CHST11: variants seen among roughly 807,000 people sequenced by gnomAD.
CHST11 encodes the protein carbohydrate sulfotransferase 11.
CHST11 carries 9 observed loss-of-function variants against 30.4 expected under a neutral mutation model. The observed-to-expected ratio is 0.30, with a 90% CI of 0.18 to 0.52. The LOEUF (loss-of-function observed/expected upper bound fraction) is 0.52. CHST11 is among the 20% of genes least tolerant of loss of function. CHST11 has a pLI of 0.97. For synonymous variants in CHST11, 152 were observed against 187.8 expected, an observed-to-expected ratio of 0.81 and a Z score of 1.56; for missense variants, 348 against 460.6, an observed-to-expected ratio of 0.76 and a Z score of 2.24.
At chr12:104,613,333 T>C (rs1341979640) in intron 2 of CHST11, among the ~76,000 whole-genome samples, 4 of 152,176 alleles carry the variant, frequency 2.6e-5, no homozygotes, top group African/African-American at 9.7e-5. Flanking sequence ...TTATTTAGCC[T>C]TAAAAAAGAG....
intron 1 of CHST11, among the ~76,000 whole-genome samples, chr12:104,593,352 C>G (rs1228419759): frequency 6.6e-6 from 1 of 152,126 alleles, no homozygotes; most frequent in Non-Finnish European, 1.5e-5. Flanking sequence ...GTTTTAATGG[C>G]TCTGAATTGT....
intron 2 of CHST11, among the ~76,000 whole-genome samples, chr12:104,741,955 T>G (rs2040351083): frequency 6.6e-6 from 1 of 151,996 alleles, no homozygotes; most frequent in Non-Finnish European, 1.5e-5. Context: ...CACTGAACAT[T>G]GAGAAATGCT....
intron 2 of CHST11, 48 bp from the exon 3 acceptor site, chr12:104,756,901 G>A (rs1295286156): frequency 6.4e-7 from 1 of 1,564,360 alleles, no homozygotes; most frequent in Non-Finnish European, 8.6e-7. Flanking sequence ...AAGTGGAAAT[G>A]TTTCAGGCAA....
At chr12:104,654,678 A>G (rs775824540) in intron 2 of CHST11, among the ~76,000 whole-genome samples, 2 of 151,762 alleles carry the variant, frequency 1.3e-5, no homozygotes, top group Non-Finnish European at 2.9e-5. Flanking sequence ...CGGCCTGTCC[A>G]CTCACCAGGA....
In CHST11 at chr12:104,646,536, A is replaced by G. The variant is rs1218334821; in HGVS notation, c.204+44545A>G. 2.6e-5 allele frequency among the ~76,000 whole-genome samples: 4 copies of G among 152,116 alleles called. No homozygotes were observed. The South Asian group carries it at 8.3e-4, about 31-fold the overall frequency. On this transcript the variant is annotated intron_variant, in intron 2 of 2. Transcript: ENST00000303694. ...ATCACGAGGTCAAGAGATCAAGACCATCCTGGCCAACACGGTGAAACCTCA... is the reference window on the plus strand; with the variant it reads ...ATCACGAGGTCAAGAGATCAAGACCGTCCTGGCCAACACGGTGAAACCTCA...
intron 2 of CHST11, among the ~76,000 whole-genome samples, chr12:104,673,474 T>C (rs2039714420): frequency 6.6e-6 from 1 of 152,234 alleles, no homozygotes; most frequent in South Asian, 2.1e-4. Flanking sequence ...CCTCAGTTTC[T>C]TCACCTGTAA....
At chr12:104,690,564 G>A (rs916658489) in intron 2 of CHST11, among the ~76,000 whole-genome samples, 2 of 152,210 alleles carry the variant, frequency 1.3e-5, no homozygotes, top group African/African-American at 4.8e-5. Flanking sequence ...GTTGGCTCAT[G>A]CCTGTAATCC....
At chr12:104,596,516 C>T (rs951301424) in intron 1 of CHST11, among the ~76,000 whole-genome samples, 13 of 152,102 alleles carry the variant, frequency 8.5e-5, no homozygotes, top group African/African-American at 2.7e-4. Flanking sequence ...TACTGCCTTT[C>T]GAGACAGCAC....
rs1271744977 is a variant in CHST11, at chr12:104,760,283, C to T, written c.*2480C>T. ...AAAAAAAAAATACAAAATAGCACCA[C>T]AGTCTCCATCTGGTTTATAGCAACA... On this transcript the variant is annotated 3_prime_UTR_variant, in exon 3 of 3. Transcript: ENST00000303694. The T allele has an allele frequency of 6.6e-6, 1 of 151,976 alleles. No homozygotes were observed. Among genetic ancestry groups the T allele is most frequent in the Non-Finnish European group, 1.5e-5 (1 of 68,000 alleles). 9.4% of individuals were successfully genotyped at this position (151,976 alleles called of 1,614,324 possible).
At chr12:104,739,095 G>A (rs1352588053) in intron 2 of CHST11, among the ~76,000 whole-genome samples, 3 of 152,238 alleles carry the variant, frequency 2.0e-5, no homozygotes, top group Admixed American at 6.5e-5. Context: ...CTGTCAGTGG[G>A]AGGTTGGGAA....
At chr12:104,713,511 G>A (rs1398437347) in intron 2 of CHST11, among the ~76,000 whole-genome samples, 1 of 152,034 alleles carries the variant, frequency 6.6e-6, no homozygotes, top group Non-Finnish European at 1.5e-5. Flanking sequence ...TTTTCAAAAC[G>A]GCTCTGTATG....
chr12:104,671,479 C>T (rs1047171628), intron 2 of CHST11, among the ~76,000 whole-genome samples: 5 of 152,166 alleles, frequency 3.3e-5, no homozygotes. Flanking sequence ...CTGTTACCAG[C>T]GCGATCATGG....
chr12:104,531,147 A>C (rs1405184968), intron 1 of CHST11, among the ~76,000 whole-genome samples: 1 of 152,158 alleles, frequency 6.6e-6, no homozygotes. Flanking sequence ...GAATCGCTCA[A>C]AGATGATGGT....
At chr12:104,475,688 A>ATATATATATATATATATATATATAT (rs1555226434) in intron 1 of CHST11, among the ~76,000 whole-genome samples, 9 of 78,456 alleles carry the variant, frequency 1.1e-4, no homozygotes, top group Non-Finnish European at 2.0e-4. Flanking sequence ...ATATATATAT[A>ATATATATATATATATATATATATAT]TATTTCTGAT....
chr12:104,543,830 G>GC (rs2038308241), intron 1 of CHST11, among the ~76,000 whole-genome samples: 1 of 152,030 alleles, frequency 6.6e-6, no homozygotes, highest in African/African-American at 2.4e-5. Flanking sequence ...TTGGGGCACT[G>GC]CTAAAGATGT....
intron 2 of CHST11, among the ~76,000 whole-genome samples, chr12:104,624,628 T>G (rs534359306): frequency 3.3e-4 from 50 of 152,340 alleles, no homozygotes; most frequent in African/African-American, 1.1e-3. Flanking sequence ...TGAGGTGGTA[T>G]AATGCACTTA....
Position 104,642,272 on chromosome 12 carries a change from C to G in CHST11, c.204+40281C>G, listed in dbSNP as rs529537327. ...GAATGGCAGTATGGGAGTATGATCT[C>G]TAATATGAAAAAAAATGCTCATGAG... On this transcript the variant is annotated intron_variant, in intron 2 of 2. Coordinates refer to ENST00000303694, the MANE Select transcript of CHST11 (RefSeq NM_018413.6). 7.3e-5 allele frequency among the ~76,000 whole-genome samples: 11 copies of G among 151,520 alleles called. No homozygotes were observed. The South Asian group carries it at 2.1e-3, about 29-fold the overall frequency.
At chr12:104,645,468 T>C (rs921091644) in intron 2 of CHST11, among the ~76,000 whole-genome samples, 3 of 152,066 alleles carry the variant, frequency 2.0e-5, no homozygotes, top group Admixed American at 1.3e-4. Context: ...GCAAGAAATA[T>C]TTGTGTTGGA....
chr12:104,722,266 G>C (rs2040183928), intron 2 of CHST11, among the ~76,000 whole-genome samples: 1 of 151,838 alleles, frequency 6.6e-6, no homozygotes, highest in African/African-American at 2.4e-5. Context: ...GCCTCCCAAA[G>C]TGCTGGAATT....
Sources: allele counts gnomAD v4.1 joint callset (sites outside exome capture counted in the v4.1 genomes callset), GRCh38; gene constraint gnomAD v4.1.1; transcripts MANE v1.5; gene names NCBI Gene and HGNC (gene_info 2026-07-23, HGNC 2026-07-21).